GPHN: variants seen among roughly 807,000 people sequenced by gnomAD.
The protein encoded by GPHN is gephyrin.
GPHN carries 17 observed loss-of-function variants against 95.5 expected under a neutral mutation model. That is an observed-to-expected ratio of 0.18 (90% confidence interval 0.12 to 0.27). GPHN has a LOEUF of 0.27. GPHN is among the 10% of genes least tolerant of loss of function. The probability of loss-of-function intolerance (pLI) is 1.00; values close to 1 mark genes in which losing one functional copy is unlikely to be tolerated. For missense variants in GPHN, 660 were observed against 978.1 expected, an observed-to-expected ratio of 0.67 and a Z score of 4.34; for synonymous variants, 320 against 322.5, an observed-to-expected ratio of 0.99 and a Z score of 0.08.
chr14:67,150,635 T>A (rs1468785864), intron 18 of GPHN, among the ~76,000 whole-genome samples: 1 of 152,086 alleles, frequency 6.6e-6, no homozygotes, highest in Non-Finnish European at 1.5e-5. Flanking sequence ...ACTTGTGTTA[T>A]ACTTAAGATT....
At chr14:67,521,315 G>A in the GPHN span, among the ~76,000 whole-genome samples, 1 of 152,200 alleles carries the variant, frequency 6.6e-6, no homozygotes, top group Non-Finnish European at 1.5e-5. Flanking sequence ...GGAAGCAAAT[G>A]CAAAAGTTTA....
chr14:66,747,296 A>G (rs1273168211), intron 2 of GPHN, among the ~76,000 whole-genome samples: 2 of 152,142 alleles, frequency 1.3e-5, no homozygotes, highest in African/African-American at 2.4e-5. Context: ...TGTTGATACA[A>G]TTGTCAGGCC....
the GPHN span, chr14:67,579,839 G>C: frequency 3.7e-4 from 595 of 1,606,474 alleles, 2 homozygotes; most frequent in Non-Finnish European, 4.9e-4. Context: ...GATCCCTCGG[G>C]CAGGGACCTG....
chr14:67,148,855 C>T (rs1168155774), intron 18 of GPHN, among the ~76,000 whole-genome samples: 4 of 151,604 alleles, frequency 2.6e-5, no homozygotes, highest in African/African-American at 7.3e-5. Flanking sequence ...CGTGAGCCAC[C>T]GCGCCCGGCC....
chr14:67,506,400 C>T, the GPHN span, among the ~76,000 whole-genome samples: 1 of 152,134 alleles, frequency 6.6e-6, no homozygotes, highest in Admixed American at 6.5e-5. Flanking sequence ...AATTAAGTTG[C>T]TTGATGAGTA....
the GPHN span, chr14:67,692,608 A>G: frequency 3.9e-6 from 6 of 1,540,886 alleles, no homozygotes; most frequent in South Asian, 6.4e-5. Flanking sequence ...CAGCCAACAT[A>G]TGAAAGAGAA....
intron 1 of GPHN, among the ~76,000 whole-genome samples, chr14:66,565,968 C>CTTT (rs60387447): frequency 6.4e-4 from 91 of 143,280 alleles, no homozygotes; most frequent in African/African-American, 1.9e-3. Flanking sequence ...AAAGAAAATT[C>CTTT]TTTTTTTTTT....
At chr14:67,600,979 T>C in the GPHN span, among the ~76,000 whole-genome samples, 3 of 152,232 alleles carry the variant, frequency 2.0e-5, no homozygotes, top group Non-Finnish European at 4.4e-5. Context: ...CACTTACTCT[T>C]TTCCTGTGCC....
chr14:67,382,421 A>G, the GPHN span: 2 of 1,597,028 alleles, frequency 1.3e-6, no homozygotes, highest in Middle Eastern at 3.3e-4. Context: ...TACATTCATA[A>G]ATGAATTTTT....
At chr14:67,691,333 A>T in the GPHN span, 4 of 800,746 alleles carry the variant, frequency 5.0e-6, no homozygotes, top group African/African-American at 6.8e-5. Flanking sequence ...TTTGAAAATG[A>T]GGATGCAGGA....
At chr14:67,230,595 A>G in the GPHN span, among the ~76,000 whole-genome samples, 1 of 152,182 alleles carries the variant, frequency 6.6e-6, no homozygotes, top group African/African-American at 2.4e-5. Context: ...ATATATGATC[A>G]AATTTCAAAA....
rs1463618208 is a variant in GPHN, at chr14:67,065,466, G to T, written c.1144+6680G>T. On this transcript the variant is annotated intron_variant, in intron 11 of 22. Transcript: ENST00000478722. ...TATTAGGTCTGCTTGGTCCAGAGCT[G>T]AGTTTGAGTCCTGGATATCCTTGTT... Among the ~76,000 whole-genome samples, 7 of 152,156 alleles carry T rather than the reference G, an allele frequency of 4.6e-5. 1 individual carries two copies. In the East Asian group the frequency reaches 1.3e-3, roughly 29 times the overall value.
intron 8 of GPHN, among the ~76,000 whole-genome samples, chr14:66,953,629 A>G (rs2068273260): frequency 6.6e-6 from 1 of 152,236 alleles, no homozygotes; most frequent in Non-Finnish European, 1.5e-5. Context: ...TCAATTAAGT[A>G]TAAAGTTAGG....
chr14:66,531,270 G>C (rs185859631), intron 1 of GPHN, among the ~76,000 whole-genome samples: 1 of 152,148 alleles, frequency 6.6e-6, no homozygotes, highest in Non-Finnish European at 1.5e-5. Context: ...ACTGGACTTG[G>C]ATTTTCAAAT....
At chr14:67,593,511 G>T in the GPHN span, 3 of 502,244 alleles carry the variant, frequency 6.0e-6, no homozygotes, top group Non-Finnish European at 3.5e-6. Flanking sequence ...AAAGAAAAAA[G>T]ATAGAAAGAG....
the GPHN span, chr14:67,445,951 C>T: frequency 2.2e-6 from 1 of 460,812 alleles, no homozygotes; most frequent in Non-Finnish European, 4.3e-6. Flanking sequence ...ATGTCAAGTC[C>T]TTTGTCTTTG....
the GPHN span, chr14:67,725,370 T>TCATGTGGCAGAAC: frequency 9.3e-7 from 1 of 1,077,840 alleles, no homozygotes; most frequent in Non-Finnish European, 1.4e-6. Context: ...CTAGACAGGT[T>TCATGTGGCAGAAC]CTGCCACATG....
the GPHN span, among the ~76,000 whole-genome samples, chr14:67,619,616 T>G: frequency 6.6e-6 from 1 of 152,256 alleles, no homozygotes; most frequent in Admixed American, 6.5e-5. Flanking sequence ...GAACCTGGCA[T>G]GGGCCGGCCG....
the GPHN span, chr14:67,588,006 G>A: frequency 6.6e-6 from 1 of 152,602 alleles, no homozygotes; most frequent in African/African-American, 2.4e-5. Flanking sequence ...GAAAGGTGCT[G>A]ACAGAGTTGG....
Sources: gnomAD v4.1 joint callset for allele counts (sites outside exome capture counted in the v4.1 genomes callset) on GRCh38, gnomAD v4.1.1 for gene constraint, MANE v1.5 for transcripts, NCBI Gene and HGNC (gene_info 2026-07-23, HGNC 2026-07-21) for gene names.